Variants in SBF2 observed in about 807,000 individuals in gnomAD.
The protein encoded by SBF2 is SET binding factor 2.
A neutral mutation model predicts 225.2 loss-of-function variants in SBF2; 112 were observed. The observed-to-expected ratio is 0.50, with a 90% confidence interval of 0.43 to 0.58. The LOEUF is 0.58. SBF2 is among the 20% of genes least tolerant of loss of function. The pLI is 0.00. For missense variants in SBF2, 1,996 were observed against 2,206.2 expected (o/e 0.90, Z 1.91); for synonymous variants, 763 against 773.3 (o/e 0.99, Z 0.22).
intron 2 of SBF2, among the ~76,000 whole-genome samples, chr11:10,105,859 A>G (rs1433349176): frequency 6.6e-6 from 1 of 152,262 alleles, no homozygotes; most frequent in Non-Finnish European, 1.5e-5. Flanking sequence ...AGTGACAGAA[A>G]GCATATCAGT....
chr11:9,860,857 G>T (rs1590246475), intron 17 of SBF2, among the ~76,000 whole-genome samples: 1 of 152,066 alleles, frequency 6.6e-6, no homozygotes, highest in Non-Finnish European at 1.5e-5. Flanking sequence ...GTACTTTTAG[G>T]ATAATCAGCA....
chr11:10,113,298 C>G (rs577955000), intron 2 of SBF2, among the ~76,000 whole-genome samples: 1 of 152,190 alleles, frequency 6.6e-6, no homozygotes, highest in South Asian at 2.1e-4. Context: ...CTGGCTGGGA[C>G]TATTTTCTAA....
chr11:10,024,337 T>TAAAAA (rs10693088), intron 6 of SBF2, among the ~76,000 whole-genome samples: 62,005 of 151,552 alleles, frequency 0.41, 13,529 homozygotes, highest in Non-Finnish European at 0.49. Context: ...TTTTTAAACT[T>TAAAAA]AAAATAGTCA....
At chr11:10,273,005 GGT>G (rs1383040535) in intron 1 of SBF2, among the ~76,000 whole-genome samples, 11 of 151,982 alleles carry the variant, frequency 7.2e-5, no homozygotes, top group African/African-American at 2.2e-4. Context: ...GGGAGACAGA[GGT>G]TGCAGTGAGC....
intron 17 of SBF2, among the ~76,000 whole-genome samples, chr11:9,882,711 G>A (rs147550304): frequency 2.7e-5 from 4 of 149,074 alleles, no homozygotes; most frequent in South Asian, 2.1e-4. Context: ...GGAGGCTGAG[G>A]CAGGAGAATC....
At chr11:10,052,119 C>T (rs1015476573) in intron 2 of SBF2, among the ~76,000 whole-genome samples, 8 of 151,100 alleles carry the variant, frequency 5.3e-5, no homozygotes, top group Non-Finnish European at 8.9e-5. Context: ...GGATAAAAAT[C>T]AGGATTTTTC....
intron 1 of SBF2, among the ~76,000 whole-genome samples, chr11:10,285,354 G>A (rs1364450737): frequency 1.3e-5 from 2 of 151,288 alleles, no homozygotes; most frequent in Non-Finnish European, 2.9e-5. Flanking sequence ...GAGGGGAGAG[G>A]GGAGGAAAAA....
At chr11:10,261,132 G>A (rs1961389066) in intron 1 of SBF2, among the ~76,000 whole-genome samples, 1 of 152,090 alleles carries the variant, frequency 6.6e-6, no homozygotes, top group South Asian at 2.1e-4. Context: ...ACCTCAAAAT[G>A]GCTAAAATCA....
At chr11:9,917,890 C>CG (rs961321294) in intron 16 of SBF2, among the ~76,000 whole-genome samples, 1 of 151,410 alleles carries the variant, frequency 6.6e-6, no homozygotes, top group African/African-American at 2.5e-5. Flanking sequence ...CCCAGGCCTC[C>CG]GACACTCACC....
intron 2 of SBF2, among the ~76,000 whole-genome samples, chr11:10,168,397 C>G (rs916000671): frequency 6.6e-6 from 1 of 152,200 alleles, no homozygotes; most frequent in Non-Finnish European, 1.5e-5. Context: ...TGATCTTTAA[C>G]TAACTTATTA....
In SBF2 at chr11:9,853,480, T is replaced by G. The variant is rs937735159; in HGVS notation, c.2536+60A>C. The G allele has an allele frequency of 4.8e-6, 7 of 1,470,214 alleles. No homozygotes were observed. In the African/African-American group the frequency reaches 9.7e-5, roughly 20 times the overall value. 91.1% of individuals were successfully genotyped at this position (1,470,214 alleles called of 1,614,324 possible). A position where few individuals can be genotyped will look rare whatever the true frequency, so the allele number is the denominator to read the frequency against. On this transcript the variant is annotated intron_variant, in intron 20 of 39. Coordinates refer to ENST00000256190, the MANE Select transcript of SBF2 (RefSeq NM_030962.4). ...AATGGAAGACATGTATTGCCAGGTT[T>G]TATGCTGAAACTCAATAATCTCCAA...
chr11:10,027,590 T>C (rs1006445579), intron 6 of SBF2, among the ~76,000 whole-genome samples: 3 of 151,928 alleles, frequency 2.0e-5, no homozygotes, highest in African/African-American at 7.3e-5. Flanking sequence ...CAAACACAGA[T>C]GGAGAGCAAT....
intron 11 of SBF2, 145 bp from the exon 12 acceptor site, chr11:9,992,688 G>T: frequency 1.2e-6 from 1 of 802,138 alleles, no homozygotes; most frequent in Non-Finnish European, 1.9e-6. Flanking sequence ...TTCTCTCAAA[G>T]AGAGTTATTC....
intron 13 of SBF2, among the ~76,000 whole-genome samples, chr11:9,988,512 C>T (rs1201701543): frequency 2.0e-5 from 3 of 152,092 alleles, no homozygotes; most frequent in African/African-American, 7.2e-5. Context: ...ATACATCTGA[C>T]AAAAGACGAC....
chr11:9,830,132 T>C (rs927007707), intron 27 of SBF2, among the ~76,000 whole-genome samples: 2 of 152,206 alleles, frequency 1.3e-5, no homozygotes, highest in African/African-American at 2.4e-5. Flanking sequence ...CAATTCTGGG[T>C]TGATGGGCAT....
chr11:10,196,659 T>C (rs1233353454), intron 1 of SBF2, among the ~76,000 whole-genome samples: 2 of 151,900 alleles, frequency 1.3e-5, no homozygotes, highest in African/African-American at 4.8e-5. Flanking sequence ...GATTATAGCG[T>C]AAGCCACCGT....
rs769715310 is a variant in SBF2, at chr11:10,031,070, A to G, written c.380T>C (p.Leu127Ser). The G allele has an allele frequency of 6.2e-7, 1 of 1,613,038 alleles. No homozygotes were observed. Among genetic ancestry groups the G allele is most frequent in the Non-Finnish European group, 8.5e-7 (1 of 1,179,226 alleles). ...TACCCTAAAAATTTCTGGATAATAT[A>G]ATCTGGATACCAACACCAGGCTTTT... ...APKSLVLVSR[L>S]YYPEIFRACL... The change falls in exon 4 of 40, where the codon TTA becomes TCA. Residue 127 changes from leucine (L) to serine (S), a missense_variant. Leu to Ser is a moderately radical substitution (Grantham distance 145, BLOSUM62 -2). Coordinates refer to ENST00000256190, the MANE Select transcript of SBF2 (RefSeq NM_030962.4).
At chr11:9,877,755 C>T (rs1411847224) in intron 17 of SBF2, among the ~76,000 whole-genome samples, 5 of 152,140 alleles carry the variant, frequency 3.3e-5, no homozygotes, top group Non-Finnish European at 7.3e-5. Flanking sequence ...CACAGTATTC[C>T]ATGGTGTTTA....
At chr11:9,899,337 T>TCA (rs1849345257) in intron 16 of SBF2, among the ~76,000 whole-genome samples, 1 of 93,316 alleles carries the variant, frequency 1.1e-5, no homozygotes, top group African/African-American at 4.9e-5. Context: ...CTACAAAAAA[T>TCA]TAAAAAAAAA....
Sources: allele counts gnomAD v4.1 joint callset (sites outside exome capture counted in the v4.1 genomes callset), GRCh38; gene constraint gnomAD v4.1.1; transcripts MANE v1.5; gene names NCBI Gene and HGNC (gene_info 2026-07-23, HGNC 2026-07-21).